The following UNC13B variants were observed in gnomAD, a reference collection of about 807,000 sequenced individuals.
The protein encoded by UNC13B is unc-13 homolog B.
Under a neutral mutation model 211.0 loss-of-function variants are expected in UNC13B, and 144 were observed. The ratio of observed to expected loss-of-function variants is 0.68; its 90% CI spans 0.60 to 0.78. The LOEUF (loss-of-function observed/expected upper bound fraction) is 0.78, where lower values mean the gene tolerates loss of function less well. UNC13B is among the 30% of genes least tolerant of loss of function. The probability of loss-of-function intolerance (pLI) is 0.00; values close to 1 mark genes in which losing one functional copy is unlikely to be tolerated. For synonymous variants in UNC13B, 709 were observed against 725.8 expected (o/e 0.98, Z 0.37); for missense variants, 1,777 against 2,002.0 (o/e 0.89, Z 2.14).
In UNC13B at chr9:35,367,005, A is replaced by C. The variant is rs757666537; in HGVS notation, c.9461+12A>C. 6.2e-7 allele frequency: 1 copy of C among 1,611,810 alleles called. No individual in the cohort carries two copies. The highest frequency in any genetic ancestry group is 1.1e-5 in the South Asian group (1 of 91,008). ...TGGCTCCCGGAAGGGTAAGTAATTC[A>C]CTGCAAGGTTTCTGTGGATTTTATT... On this transcript the variant is annotated intron_variant, in intron 12 of 39. Coordinates refer to ENST00000635942, the MANE Select transcript of UNC13B (RefSeq NM_001371189.2).
intron 1 of UNC13B, among the ~76,000 whole-genome samples, chr9:35,181,983 T>C (rs1323736001): frequency 6.6e-6 from 1 of 152,204 alleles, no homozygotes; most frequent in Non-Finnish European, 1.5e-5. Flanking sequence ...CCTGCATCAG[T>C]TAAACTCTTT....
chr9:35,306,183 C>T lies in UNC13B; in HGVS notation c.6779C>T (p.Thr2260Ile). The T allele has an allele frequency of 2.5e-6, 1 of 398,982 alleles. No homozygotes were observed. The highest frequency in any genetic ancestry group is 3.6e-5 in the East Asian group (1 of 28,074). 24.7% of individuals were successfully genotyped at this position (398,982 alleles called of 1,614,324 possible). The part of the protein sequence containing the change: ...NVFVESGSTM[T>I]RESSSGHRDS... The stretch of plus-strand genomic sequence containing the variant: ...TTTGTAGAGAGTGGTAGCACAATGA[C>T]CAGAGAAAGTTCCAGTGGTCATAGA... The change falls in exon 9 of 40, where the codon ACC becomes ATC. Residue 2260 changes from threonine to isoleucine, a missense_variant. By Grantham distance (89) the Thr-to-Ile change is moderately conservative. Coordinates refer to ENST00000635942, the MANE Select transcript of UNC13B (RefSeq NM_001371189.2).
chr9:35,393,795 C>T (rs1835697804), intron 26 of UNC13B, among the ~76,000 whole-genome samples: 2 of 151,868 alleles, frequency 1.3e-5, no homozygotes, highest in African/African-American at 2.4e-5. Flanking sequence ...TGGTCTTGAA[C>T]CCTAGCCTCA....
At chr9:35,381,482 G>A in intron 19 of UNC13B, 74 bp from the exon 20 acceptor site, 2 of 1,508,786 alleles carry the variant, frequency 1.3e-6, no homozygotes, top group Non-Finnish European at 1.8e-6. Flanking sequence ...ATTCTTCTGG[G>A]CTTTACCACC....
chr9:35,310,540 C>T lies in UNC13B; in HGVS notation c.9082C>T (p.Gln3028Ter). Residue 3028 changes from glutamine (Q) to a stop codon, truncating the protein, a stop_gained, in exon 10 of 40, where the codon CAG becomes TAG. Coordinates refer to ENST00000635942, the MANE Select transcript of UNC13B (RefSeq NM_001371189.2). LOFTEE classifies it high-confidence loss of function. The part of the protein sequence containing the change: ...QGSSQLSELD[Q>*]YHEQDDDHRE... Reference sequence around the variant, plus strand: ...AAGCTCTCAGCTAAGTGAACTAGACCAGTATCACGAACAAGATGACGACCA... The same window carrying T: ...AAGCTCTCAGCTAAGTGAACTAGACTAGTATCACGAACAAGATGACGACCA... 1 of 1,614,114 alleles carries T rather than the reference C, an allele frequency of 6.2e-7. No individual in the cohort carries two copies. The highest frequency in any genetic ancestry group is 8.5e-7 in the Non-Finnish European group (1 of 1,180,024).
At chr9:35,343,264 CAT>C (rs970350176) in intron 11 of UNC13B, among the ~76,000 whole-genome samples, 1 of 152,208 alleles carries the variant, frequency 6.6e-6, no homozygotes, top group Non-Finnish European at 1.5e-5. Flanking sequence ...AAATAGGAAT[CAT>C]ATAAACTGAA....
Position 35,403,493 on chromosome 9 carries a change from G to C in UNC13B, c.12631G>C (p.Val4211Leu). 6.2e-7 allele frequency: 1 copy of C among 1,614,122 alleles called. No individual in the cohort carries two copies. Among genetic ancestry groups the C allele is most frequent in the Non-Finnish European group, 8.5e-7 (1 of 1,180,028 alleles). The change falls in exon 39 of 40, where the codon GTG becomes CTG. Residue 4211 changes from valine to leucine, a missense_variant. Transcript: ENST00000635942. ...WQTAGMFRPF[V>L]EVTMVGPHQS... ...GACAGCGGGTATGTTCCGGCCTTTC[G>C]TGGAGGTGACTATGGTTGGCCCACA...
intron 6 of UNC13B, among the ~76,000 whole-genome samples, chr9:35,253,397 A>T (rs1017418622): frequency 6.6e-6 from 1 of 152,098 alleles, no homozygotes; most frequent in African/African-American, 2.4e-5. Context: ...TCTTTGGTTA[A>T]TGGGAGTTTC....
chr9:35,293,071 C>T (rs959878663), intron 7 of UNC13B, among the ~76,000 whole-genome samples: 3 of 152,064 alleles, frequency 2.0e-5, no homozygotes, highest in Non-Finnish European at 4.4e-5. Flanking sequence ...AGGTGATTGC[C>T]TCTCACTACT....
intron 12 of UNC13B, among the ~76,000 whole-genome samples, 184 bp from the exon 13 acceptor site, chr9:35,370,134 T>C (rs1277949670): frequency 6.6e-6 from 1 of 152,252 alleles, no homozygotes; most frequent in Non-Finnish European, 1.5e-5. Flanking sequence ...ACAGATTCTA[T>C]TGCTCACTCT....
At chr9:35,392,079 T>A (rs1193040612) in intron 26 of UNC13B, among the ~76,000 whole-genome samples, 1 of 152,190 alleles carries the variant, frequency 6.6e-6, no homozygotes, top group Non-Finnish European at 1.5e-5. Flanking sequence ...CCAAACTACT[T>A]AATTTTTATG....
At position 35,399,757 on chromosome 9, in the gene UNC13B, C is replaced by T. The variant is rs1836163618; in HGVS notation, c.12336+28C>T. On this transcript the variant is annotated intron_variant, in intron 36 of 39. Transcript: ENST00000635942. Reference sequence around the variant, plus strand: ...GGAGGCCCCCCCTTTTTCAGACAGTCTTAACCACCACACTCACTTGGCCCT... The same window carrying T: ...GGAGGCCCCCCCTTTTTCAGACAGTTTTAACCACCACACTCACTTGGCCCT... The T allele has an allele frequency of 2.5e-6, 4 of 1,611,078 alleles. No individual in the cohort carries two copies. In the African/African-American group the frequency reaches 4.0e-5, roughly 16 times the overall value.
At chr9:35,312,557 T>G (rs943566457) in intron 10 of UNC13B, among the ~76,000 whole-genome samples, 6 of 152,230 alleles carry the variant, frequency 3.9e-5, no homozygotes, top group Admixed American at 2.6e-4. Flanking sequence ...CTACTGGTTG[T>G]GTCCTCTCAG....
intron 22 of UNC13B, chr9:35,384,549 C>T: frequency 1.0e-6 from 1 of 985,452 alleles, no homozygotes; most frequent in East Asian, 1.1e-4. Context: ...TTTCCAACCT[C>T]ATTCTTAACA....
At chr9:35,183,503 G>GGT (rs1822109134) in intron 1 of UNC13B, among the ~76,000 whole-genome samples, 1 of 127,426 alleles carries the variant, frequency 7.8e-6, no homozygotes, top group Non-Finnish European at 1.7e-5. Flanking sequence ...CCTCCCAGAC[G>GGT]GGGCGGCCGG....
At chr9:35,258,848 T>C in intron 6 of UNC13B, 145 bp from the exon 7 acceptor site, 3 of 704,510 alleles carry the variant, frequency 4.3e-6, no homozygotes, top group African/African-American at 3.6e-5. Flanking sequence ...ACAGAGAAAA[T>C]AGGAGCAGGA....
At chr9:35,396,684 C>T in intron 27 of UNC13B, 82 bp downstream of exon 27, 1 of 1,600,626 alleles carries the variant, frequency 6.2e-7, no homozygotes, top group South Asian at 1.1e-5. Flanking sequence ...TTTCAGCAAG[C>T]CAGTCTCGGG....
intron 1 of UNC13B, among the ~76,000 whole-genome samples, chr9:35,173,194 T>C (rs771172806): frequency 7.2e-5 from 11 of 152,100 alleles, no homozygotes; most frequent in Non-Finnish European, 1.6e-4. Flanking sequence ...GCAAAGATGA[T>C]TCGAAAGGCT....
At chr9:35,256,193 T>G (rs1412235673) in intron 6 of UNC13B, among the ~76,000 whole-genome samples, 1 of 152,230 alleles carries the variant, frequency 6.6e-6, no homozygotes. Flanking sequence ...TTCCATAGTT[T>G]ATTCAGATTT....
Sources: gnomAD v4.1 joint callset for allele counts (sites outside exome capture counted in the v4.1 genomes callset) on GRCh38, gnomAD v4.1.1 for gene constraint, MANE v1.5 for transcripts, NCBI Gene and HGNC (gene_info 2026-07-23, HGNC 2026-07-21) for gene names.